The following XKR4 variants were observed in gnomAD, a reference collection of about 807,000 sequenced individuals.
XKR4 encodes XK related 4.
XKR4 carries 12 observed loss-of-function variants against 53.9 expected under a neutral mutation model. That is an observed-to-expected ratio of 0.22 (90% CI 0.14 to 0.36). The LOEUF is 0.36. Ranked by LOEUF, XKR4 falls within the 10% of genes least tolerant of loss-of-function variation. The probability of loss-of-function intolerance (pLI) is 1.00; values close to 1 mark genes in which losing one functional copy is unlikely to be tolerated. For missense variants in XKR4, 799 were observed against 859.5 expected (o/e 0.93, Z 0.88); for synonymous variants, 354 against 362.4 (o/e 0.98, Z 0.26).
chr8:55,453,585 C>T, intron 2 of XKR4: 2 of 394,218 alleles, frequency 5.1e-6, no homozygotes, highest in Non-Finnish European at 9.8e-6. Context: ...CTCCTCCCAG[C>T]CTTCATGGCT....
intron 2 of XKR4, among the ~76,000 whole-genome samples, chr8:55,396,399 G>GTTTTTTTTTTTTTTTTTTTTTTTTTT (rs71256534): frequency 2.3e-5 from 2 of 88,750 alleles, no homozygotes; most frequent in Admixed American, 1.5e-4. Context: ...TTTTTGTTTG[G>GTTTTTTTTTTTTTTTTTTTTTTTTTT]TTTTTTTTTT....
At chr8:55,237,477 G>T (rs564230143) in intron 1 of XKR4, among the ~76,000 whole-genome samples, 11 of 152,336 alleles carry the variant, frequency 7.2e-5, no homozygotes, top group South Asian at 4.1e-4. Flanking sequence ...TTGAGTGGAA[G>T]TGGATTATCA....
At chr8:55,452,955 T>G in intron 2 of XKR4, 1 of 778,152 alleles carries the variant, frequency 1.3e-6, no homozygotes, top group Non-Finnish European at 2.3e-6. Context: ...CAGCTCCTGC[T>G]GCTTCTCACC....
chr8:55,522,332 A>C (rs948449682), intron 2 of XKR4, among the ~76,000 whole-genome samples: 1 of 152,366 alleles, frequency 6.6e-6, no homozygotes, highest in East Asian at 1.9e-4. Flanking sequence ...TGAAGAGCTA[A>C]GAGATGGAAG....
intron 1 of XKR4, among the ~76,000 whole-genome samples, chr8:55,322,417 A>G (rs113253795): frequency 6.8e-4 from 104 of 152,330 alleles, no homozygotes; most frequent in African/African-American, 2.4e-3. Flanking sequence ...GTCATTTGCT[A>G]GTAAAAACAG....
intron 1 of XKR4, among the ~76,000 whole-genome samples, chr8:55,176,342 T>C (rs531773116): frequency 6.6e-6 from 1 of 152,318 alleles, no homozygotes; most frequent in East Asian, 1.9e-4. Flanking sequence ...CTGCTAGCCT[T>C]GCACCCTGTG....
chr8:55,463,370 T>C (rs1388432834), intron 2 of XKR4, among the ~76,000 whole-genome samples: 1 of 151,708 alleles, frequency 6.6e-6, no homozygotes, highest in Non-Finnish European at 1.5e-5. Context: ...TGCTCCTGAA[T>C]GACTACGGGG....
chr8:55,320,175 A>G (rs1358331035), intron 1 of XKR4, among the ~76,000 whole-genome samples: 1 of 152,216 alleles, frequency 6.6e-6, no homozygotes, highest in African/African-American at 2.4e-5. Flanking sequence ...AAAAACAGTC[A>G]TTGAAAAGCA....
Position 55,102,728 on chromosome 8 carries a change from C to T in XKR4, c.240C>T (p.Ser80=). Residue 80 remains serine (S), a synonymous_variant, in exon 1 of 3, where the codon TCC becomes TCT. Coordinates refer to ENST00000327381, the MANE Select transcript of XKR4 (RefSeq NM_052898.2). The surrounding 1 kb of genome is among the most constrained non-coding windows in gnomAD (Gnocchi z 5.1). The stretch of plus-strand genomic sequence containing the variant: ...GCGGCTCCGCGGGCTCGGGCGGCTC[C>T]GGCGGCGTCGCCGGCCCGGGCGGCG... ...GSGGSAGSGG[S]GGVAGPGGGG... 2 of 1,173,550 alleles carry T rather than the reference C, an allele frequency of 1.7e-6. No homozygotes were observed. Among genetic ancestry groups the T allele is most frequent in the Non-Finnish European group, 2.1e-6 (2 of 950,398 alleles). The allele number at this position is 1,173,550 out of a possible 1,614,324, so 72.7% of individuals were successfully genotyped here. A position where few individuals can be genotyped will look rare whatever the true frequency, so the allele number is the denominator to read the frequency against.
chr8:55,476,104 G>A lies in XKR4; in HGVS notation c.1007-47177G>A, dbSNP rs562826115. The stretch of plus-strand genomic sequence containing the variant: ...GGTACTTGAAAAACATGCTGATATC[G>A]GGATCACTCACAGACAGTCTAATTC... On this transcript the variant is annotated intron_variant, in intron 2 of 2. Coordinates refer to ENST00000327381, the MANE Select transcript of XKR4 (RefSeq NM_052898.2). Among the ~76,000 whole-genome samples the A allele has an allele frequency of 3.3e-3, 499 of 152,034 alleles. 6 individuals carry two copies. Among genetic ancestry groups the A allele is most frequent in the African/African-American group, 0.011 (470 of 41,434 alleles).
In XKR4 at chr8:55,329,120, C is replaced by T. The variant is rs117838439; in HGVS notation, c.807-28558C>T. 5.3e-3 allele frequency among the ~76,000 whole-genome samples: 807 copies of T among 152,178 alleles called. 3 individuals carry two copies. The highest frequency in any genetic ancestry group is 8.9e-3 in the Non-Finnish European group (604 of 68,012). On this transcript the variant is annotated intron_variant, in intron 1 of 2. Transcript: ENST00000327381. ...AATAGTGTTGTGTTTTCTTTTCAACCGTGAAACTTGAGTTCCTAAATCTCA... is the reference window on the plus strand; with the variant it reads ...AATAGTGTTGTGTTTTCTTTTCAACTGTGAAACTTGAGTTCCTAAATCTCA...
chr8:55,451,937 G>T, intron 2 of XKR4: 1 of 775,954 alleles, frequency 1.3e-6, no homozygotes, highest in Non-Finnish European at 2.3e-6. Context: ...GAGGGCGGCT[G>T]GCTCCAGTGC....
intron 1 of XKR4, among the ~76,000 whole-genome samples, chr8:55,300,727 T>C (rs1220489797): frequency 6.6e-6 from 1 of 151,968 alleles, no homozygotes; most frequent in Non-Finnish European, 1.5e-5. Context: ...TGTGGGGGAA[T>C]AAGGTGCTTC....
At chr8:55,348,999 G>A (rs575680731) in intron 1 of XKR4, among the ~76,000 whole-genome samples, 27 of 152,242 alleles carry the variant, frequency 1.8e-4, no homozygotes, top group African/African-American at 5.8e-4. Context: ...AAGATGTCTT[G>A]GAGCCCAGGT....
intron 2 of XKR4, among the ~76,000 whole-genome samples, chr8:55,388,158 C>T (rs1387347150): frequency 6.6e-6 from 1 of 152,134 alleles, no homozygotes; most frequent in Non-Finnish European, 1.5e-5. Context: ...TGTTTGCAAC[C>T]AGGGCAGCCT....
intron 2 of XKR4, among the ~76,000 whole-genome samples, chr8:55,445,897 G>A (rs1225797058): frequency 6.6e-6 from 1 of 152,230 alleles, no homozygotes; most frequent in East Asian, 1.9e-4. Flanking sequence ...CTGCCATGCT[G>A]TCAGCAATGC....
At chr8:55,421,136 A>T (rs1804922617) in intron 2 of XKR4, among the ~76,000 whole-genome samples, 1 of 152,208 alleles carries the variant, frequency 6.6e-6, no homozygotes, top group African/African-American at 2.4e-5. Flanking sequence ...TAATAATAAT[A>T]GTGATTCTAA....
intron 2 of XKR4, among the ~76,000 whole-genome samples, chr8:55,385,248 C>A (rs1288001143): frequency 6.6e-6 from 1 of 152,134 alleles, no homozygotes; most frequent in South Asian, 2.1e-4. Context: ...CATCACACCC[C>A]ACTTGACAAA....
chr8:55,319,027 T>C (rs989454157), intron 1 of XKR4, among the ~76,000 whole-genome samples: 8 of 152,210 alleles, frequency 5.3e-5, no homozygotes, highest in African/African-American at 1.9e-4. Flanking sequence ...AATCATAAGT[T>C]GACTTTTGTT....
Sources: allele counts gnomAD v4.1 joint callset (sites outside exome capture counted in the v4.1 genomes callset), GRCh38; gene constraint gnomAD v4.1.1; non-coding constraint Gnocchi (gnomAD v3.1); transcripts MANE v1.5; gene names NCBI Gene and HGNC (gene_info 2026-07-23, HGNC 2026-07-21).